The following ACTR3C variants were observed in gnomAD, a reference collection of about 807,000 sequenced individuals.
ACTR3C encodes actin-related protein 3C.
Under a neutral mutation model 26.3 loss-of-function variants are expected in ACTR3C, and 18 were observed. The observed-to-expected ratio is 0.68, with a 90% CI of 0.47 to 1.01. The LOEUF (loss-of-function observed/expected upper bound fraction) is 1.01, where lower values mean the gene tolerates loss of function less well. ACTR3C is among the 50% of genes least tolerant of loss of function. ACTR3C has a pLI of 0.00. For synonymous variants in ACTR3C, 55 were observed against 94.5 expected (o/e 0.58, Z 2.42); for missense variants, 184 against 250.7 (o/e 0.73, Z 1.80).
chr7:150,098,972 T>C, the ACTR3C span, among the ~76,000 whole-genome samples: 1 of 150,408 alleles, frequency 6.6e-6, no homozygotes, highest in African/African-American at 2.5e-5. Flanking sequence ...TCCAACTGTA[T>C]CTTCATGACC....
the ACTR3C span, among the ~76,000 whole-genome samples, chr7:150,077,494 C>T: frequency 6.6e-6 from 1 of 152,132 alleles, no homozygotes. Context: ...GCAATCTTCA[C>T]AAGGTGTCCT....
intron 6 of ACTR3C, among the ~76,000 whole-genome samples, chr7:150,250,285 G>C (rs1484319265): frequency 2.0e-5 from 3 of 146,418 alleles, no homozygotes; most frequent in Admixed American, 2.0e-4. Context: ...CTCACTGCAA[G>C]CTCTGCCTCC....
chr7:150,032,342 G>C, the ACTR3C span, among the ~76,000 whole-genome samples: 8 of 152,130 alleles, frequency 5.3e-5, no homozygotes, highest in African/African-American at 1.9e-4. Context: ...AGGATGAGAC[G>C]CTGCAAGGTC....
chr7:149,892,160 C>T, the ACTR3C span: 145 of 1,219,240 alleles, frequency 1.2e-4, 1 homozygote, highest in African/African-American at 2.1e-3. Context: ...AGAATTCAAA[C>T]ATAAGAATAG....
At chr7:149,887,752 A>G in the ACTR3C span, among the ~76,000 whole-genome samples, 2 of 151,898 alleles carry the variant, frequency 1.3e-5, no homozygotes, top group African/African-American at 2.4e-5. Flanking sequence ...CTTGAATTGT[A>G]TCTCCCAGAA....
At chr7:150,158,397 T>A in the ACTR3C span, among the ~76,000 whole-genome samples, 319 of 152,242 alleles carry the variant, frequency 2.1e-3, no homozygotes, top group African/African-American at 7.4e-3. Context: ...ATAACTGCAC[T>A]CCCATGCTCA....
chr7:150,295,210 C>G (rs1836637355), intron 2 of ACTR3C, 42 bp downstream of exon 2: 1 of 1,606,732 alleles, frequency 6.2e-7, no homozygotes, highest in African/African-American at 1.3e-5. Context: ...CGCTACTAGA[C>G]AGCTCAGGTG....
In ACTR3C at chr7:150,299,443, G is replaced by A. The variant is rs560662797; in HGVS notation, c.-51-4096C>T. 3.9e-5 allele frequency among the ~76,000 whole-genome samples: 4 copies of A among 102,310 alleles called. No homozygotes were observed. In the Admixed American group the frequency reaches 6.1e-4, roughly 16 times the overall value. 67.1% of individuals were successfully genotyped at this position (102,310 alleles called of 152,430 possible). A position where few individuals can be genotyped will look rare whatever the true frequency, so the allele number is the denominator to read the frequency against. Reference sequence around the variant, plus strand: ...TGAATAGCCACTGCACTCCAGCTTGGACAACATAGAGACCCCCTCTCAAAA... The same window carrying A: ...TGAATAGCCACTGCACTCCAGCTTGAACAACATAGAGACCCCCTCTCAAAA... On this transcript the variant is annotated intron_variant, in intron 1 of 7. Transcript: ENST00000683684.
chr7:149,940,187 G>A, the ACTR3C span, among the ~76,000 whole-genome samples: 4 of 152,230 alleles, frequency 2.6e-5, no homozygotes, highest in South Asian at 2.1e-4. Context: ...GTCTAAATCT[G>A]ATCAGGAAGC....
At chr7:149,884,472 G>A in the ACTR3C span, among the ~76,000 whole-genome samples, 1 of 152,194 alleles carries the variant, frequency 6.6e-6, no homozygotes, top group African/African-American at 2.4e-5. Context: ...ATTGATGAGA[G>A]TAGATTTCAC....
At chr7:149,924,700 A>G in the ACTR3C span, among the ~76,000 whole-genome samples, 1 of 151,280 alleles carries the variant, frequency 6.6e-6, no homozygotes, top group African/African-American at 2.4e-5. Flanking sequence ...ATCTCAGCTC[A>G]CTGCAACCTC....
At chr7:150,152,717 C>T in the ACTR3C span, among the ~76,000 whole-genome samples, 2 of 152,118 alleles carry the variant, frequency 1.3e-5, no homozygotes, top group African/African-American at 4.8e-5. Context: ...AGGAATGGTA[C>T]CAGTTCCTCC....
chr7:150,004,005 T>G, the ACTR3C span, among the ~76,000 whole-genome samples: 1 of 152,072 alleles, frequency 6.6e-6, no homozygotes, highest in Non-Finnish European at 1.5e-5. Context: ...GTGTAGGTTG[T>G]GTGGCATGTG....
At chr7:150,132,942 CT>C in the ACTR3C span, among the ~76,000 whole-genome samples, 6 of 152,142 alleles carry the variant, frequency 3.9e-5, 1 homozygote, top group Admixed American at 3.3e-4. Flanking sequence ...AAACCATACC[CT>C]TTACAGATAG....
chr7:150,110,947 C>T, the ACTR3C span, among the ~76,000 whole-genome samples: 1 of 149,736 alleles, frequency 6.7e-6, no homozygotes, highest in Non-Finnish European at 1.5e-5. Flanking sequence ...GAGAGAGGGC[C>T]CCCTTGCATC....
the ACTR3C span, among the ~76,000 whole-genome samples, chr7:149,996,919 C>CG: frequency 6.6e-6 from 1 of 150,588 alleles, no homozygotes; most frequent in Non-Finnish European, 1.5e-5. Context: ...CACTGCCACC[C>CG]GGGGCCACGC....
At chr7:150,298,926 C>T (rs981932579) in intron 1 of ACTR3C, among the ~76,000 whole-genome samples, 16 of 151,182 alleles carry the variant, frequency 1.1e-4, no homozygotes, top group Non-Finnish European at 1.9e-4. Flanking sequence ...GTCTCCATTC[C>T]GTATACATTC....
chr7:150,234,967 G>A, the ACTR3C span, among the ~76,000 whole-genome samples: 4 of 152,152 alleles, frequency 2.6e-5, no homozygotes, highest in Admixed American at 6.5e-5. Context: ...AATCTCCTTA[G>A]CCATGTAGCC....
chr7:150,003,245 T>C, the ACTR3C span, among the ~76,000 whole-genome samples: 1 of 152,246 alleles, frequency 6.6e-6, no homozygotes, highest in Non-Finnish European at 1.5e-5. Flanking sequence ...GGTGTTTGCA[T>C]TTGTGTGTGT....
Sources: allele counts gnomAD v4.1 joint callset (sites outside exome capture counted in the v4.1 genomes callset), GRCh38; gene constraint gnomAD v4.1.1; transcripts MANE v1.5; gene names NCBI Gene and HGNC (gene_info 2026-07-23, HGNC 2026-07-21).